Variants in MGAT5 observed in about 807,000 individuals in gnomAD.
The protein encoded by MGAT5 is alpha-1,6-mannosylglycoprotein 6-beta-N-acetylglucosaminyltransferase A.
MGAT5 carries 30 observed loss-of-function variants against 94.3 expected under a neutral mutation model. The ratio of observed to expected loss-of-function variants is 0.32; its 90% CI spans 0.24 to 0.43. The LOEUF (loss-of-function observed/expected upper bound fraction) is 0.43. MGAT5 is among the 20% of genes least tolerant of loss of function. MGAT5 has a pLI of 1.00. For synonymous variants in MGAT5, 310 were observed against 322.9 expected (o/e 0.96, Z 0.43); for missense variants, 691 against 905.5 (o/e 0.76, Z 3.04).
At chr2:134,397,154 TTATA>T (rs1461149216) in intron 10 of MGAT5, among the ~76,000 whole-genome samples, 1 of 152,104 alleles carries the variant, frequency 6.6e-6, no homozygotes. Context: ...GGGAAGCTCT[TTATA>T]TAGGGGAACA....
intron 11 of MGAT5, among the ~76,000 whole-genome samples, chr2:134,412,658 C>G (rs1474316386): frequency 6.6e-6 from 1 of 152,018 alleles, no homozygotes; most frequent in African/African-American, 2.4e-5. Context: ...AGTTGAGCAG[C>G]TTTGTGGGGA....
intron 13 of MGAT5, among the ~76,000 whole-genome samples, chr2:134,423,562 C>G (rs933926519): frequency 1.3e-5 from 2 of 152,104 alleles, no homozygotes; most frequent in Admixed American, 1.3e-4. Flanking sequence ...AACTCGGAGC[C>G]CACCGTGGAC....
At chr2:134,334,496 C>CTTTT (rs59933611) in intron 4 of MGAT5, among the ~76,000 whole-genome samples, 8,203 of 34,102 alleles carry the variant, frequency 0.24, 2,490 homozygotes, top group East Asian at 0.35. Flanking sequence ...CTTGCTCATC[C>CTTTT]TTTTTTTTTT....
At chr2:134,334,324 A>G (rs1031675280) in intron 4 of MGAT5, among the ~76,000 whole-genome samples, 41 of 151,968 alleles carry the variant, frequency 2.7e-4, no homozygotes, top group African/African-American at 9.9e-4. Context: ...AGAGAACTTT[A>G]TGAGTATCTG....
chr2:134,390,002 GT>G (rs1437606076), intron 10 of MGAT5, among the ~76,000 whole-genome samples: 2 of 152,152 alleles, frequency 1.3e-5, no homozygotes, highest in Admixed American at 1.3e-4. Flanking sequence ...CCTTCCTGCA[GT>G]TTTTTGCAAG....
At chr2:134,121,920 T>C (rs907759671) in intron 1 of MGAT5, among the ~76,000 whole-genome samples, 2 of 152,142 alleles carry the variant, frequency 1.3e-5, no homozygotes, top group African/African-American at 4.8e-5. Context: ...CCCTTGTCTG[T>C]ACCGAGAAAA....
chr2:134,157,088 T>C (rs1687513860), intron 1 of MGAT5, among the ~76,000 whole-genome samples: 1 of 152,208 alleles, frequency 6.6e-6, no homozygotes. Context: ...AGTGATTGAT[T>C]CTTACTAAGC....
At chr2:134,264,856 G>C (rs1044485290) in intron 1 of MGAT5, among the ~76,000 whole-genome samples, 1 of 152,122 alleles carries the variant, frequency 6.6e-6, no homozygotes, top group African/African-American at 2.4e-5. Flanking sequence ...TCTGCCTCTC[G>C]GGCAGCCATG....
chr2:134,169,246 A>C (rs962016590), intron 1 of MGAT5, among the ~76,000 whole-genome samples: 1 of 152,172 alleles, frequency 6.6e-6, no homozygotes, highest in South Asian at 2.1e-4. Flanking sequence ...TTGGTTGAAA[A>C]TGGGATTTCA....
intron 1 of MGAT5, among the ~76,000 whole-genome samples, chr2:134,191,502 C>A (rs548976726): frequency 2.1e-4 from 31 of 149,778 alleles, no homozygotes; most frequent in Non-Finnish European, 4.1e-4. Context: ...GGGTTCGCGC[C>A]GTCTTTCGCC....
At chr2:134,120,015 C>G (rs1685485788), upstream of MGAT5, 4 of 152,732 alleles carry the variant, frequency 2.6e-5, no homozygotes. Context: ...CGGACTCCCG[C>G]CCTGGTCGAC....
chr2:134,202,184 C>T (rs78020827), intron 1 of MGAT5, among the ~76,000 whole-genome samples: 5,611 of 152,176 alleles, frequency 0.037, 147 homozygotes, highest in Non-Finnish European at 0.053. Context: ...TGTCTTTTGC[C>T]GACTGCTATG....
intron 3 of MGAT5, among the ~76,000 whole-genome samples, chr2:134,318,233 C>T (rs1041325767): frequency 2.6e-5 from 4 of 152,150 alleles, no homozygotes; most frequent in East Asian, 3.9e-4. Flanking sequence ...CGTCCGTCAA[C>T]GCTCGTCCGT....
At chr2:134,416,473 A>ATTTTTTTTTTTTTTTT (rs1683974525) in intron 12 of MGAT5, among the ~76,000 whole-genome samples, 2 of 124,578 alleles carry the variant, frequency 1.6e-5, no homozygotes, top group Non-Finnish European at 3.3e-5. Context: ...CTCATTCCTT[A>ATTTTTTTTTTTTTTTT]CTTTTTTTTT....
chr2:134,165,004 G>T (rs760022698), intron 1 of MGAT5, among the ~76,000 whole-genome samples: 6 of 152,204 alleles, frequency 3.9e-5, no homozygotes, highest in African/African-American at 7.2e-5. Context: ...AAAAGATGCT[G>T]CCCTGAGATA....
rs999512920 is a variant in MGAT5, at chr2:134,448,968, A to G, written c.*121A>G. On this transcript the variant is annotated 3_prime_UTR_variant, in exon 16 of 16. Coordinates refer to ENST00000281923, the MANE Select transcript of MGAT5 (RefSeq NM_002410.5). ...GGCAAGAGCCTGAACTTTTTCGTAG[A>G]AGGTTCTGAATTGGCATTGCCCTTG... 6.7e-6 allele frequency: 7 copies of G among 1,043,514 alleles called. No homozygotes were observed. Among genetic ancestry groups the G allele is most frequent in the Non-Finnish European group, 9.7e-6 (7 of 720,990 alleles). 64.6% of individuals were successfully genotyped at this position (1,043,514 alleles called of 1,614,324 possible). A position where few individuals can be genotyped will look rare whatever the true frequency, so the allele number is the denominator to read the frequency against.
chr2:134,208,625 A>G (rs1308696499), intron 1 of MGAT5, among the ~76,000 whole-genome samples: 1 of 152,242 alleles, frequency 6.6e-6, no homozygotes, highest in African/African-American at 2.4e-5. Flanking sequence ...AATAACATAG[A>G]TGCATATGTA....
chr2:134,200,855 CA>C (rs1489819848), intron 1 of MGAT5, among the ~76,000 whole-genome samples: 11 of 152,004 alleles, frequency 7.2e-5, no homozygotes, highest in Admixed American at 5.2e-4. Context: ...TCCGTCTCTA[CA>C]AAAATAAAAA....
intron 10 of MGAT5, among the ~76,000 whole-genome samples, chr2:134,374,602 TCTTTA>T (rs1681039711): frequency 6.6e-6 from 1 of 152,228 alleles, no homozygotes; most frequent in South Asian, 2.1e-4. Flanking sequence ...GATACACAAT[TCTTTA>T]CTTAAATAAA....
Sources: gnomAD v4.1 joint callset for allele counts (sites outside exome capture counted in the v4.1 genomes callset) on GRCh38, gnomAD v4.1.1 for gene constraint, MANE v1.5 for transcripts, NCBI Gene and HGNC (gene_info 2026-07-23, HGNC 2026-07-21) for gene names.